ABCC4: variants seen among roughly 807,000 people sequenced by gnomAD.
ABCC4 encodes the protein ATP-binding cassette sub-family C member 4.
ABCC4 carries 102 observed loss-of-function variants against 168.5 expected under a neutral mutation model. The ratio of observed to expected loss-of-function variants is 0.61; its 90% CI spans 0.52 to 0.71. The LOEUF (loss-of-function observed/expected upper bound fraction) is 0.71, where lower values mean the gene tolerates loss of function less well. ABCC4 is among the 30% of genes least tolerant of loss of function. The pLI, the probability that ABCC4 is intolerant of heterozygous loss-of-function variation, is 0.00. For missense variants in ABCC4, 1,402 were observed against 1,605.8 expected, an observed-to-expected ratio of 0.87 and a Z score of 2.17; for synonymous variants, 617 against 590.7, an observed-to-expected ratio of 1.04 and a Z score of -0.65.
intron 25 of ABCC4, among the ~76,000 whole-genome samples, chr13:95,065,072 C>T (rs1051990097): frequency 6.6e-6 from 1 of 152,100 alleles, no homozygotes; most frequent in African/African-American, 2.4e-5. Flanking sequence ...ATGATTAATA[C>T]CCAACAGCCC....
chr13:95,223,920 A>T (rs2138721849), intron 4 of ABCC4, among the ~76,000 whole-genome samples: 1 of 152,346 alleles, frequency 6.6e-6, no homozygotes, highest in South Asian at 2.1e-4. Flanking sequence ...AACAGAGAAG[A>T]TTGAATAAAA....
At chr13:95,121,214 C>CTA (rs2035559922) in intron 19 of ABCC4, among the ~76,000 whole-genome samples, 1 of 152,018 alleles carries the variant, frequency 6.6e-6, no homozygotes. Context: ...AATTCCTGAC[C>CTA]TATAAAATGG....
At chr13:95,155,244 A>T (rs1409177305) in intron 19 of ABCC4, among the ~76,000 whole-genome samples, 1 of 151,516 alleles carries the variant, frequency 6.6e-6, no homozygotes, top group East Asian at 1.9e-4. Flanking sequence ...GTTGGAGTGC[A>T]GTGATGCAAT....
At position 95,073,290 on chromosome 13, in the gene ABCC4, G is replaced by C; in HGVS notation, c.2932C>G (p.Gln978Glu). The change falls in exon 24 of 31, where the codon CAG becomes GAG. Residue 978 changes from glutamine to glutamate, a missense_variant. By Grantham distance (29) the Gln-to-Glu change is conservative. Transcript: ENST00000645237. ...LILAKTLDAG[Q>E]VGLALSYALT... ...GCATAGGACAGTGCCAAACCAACCT[G>C]CCCGGCATCCAGAGCTACGTAAGGA... The C allele has an allele frequency of 6.2e-7, 1 of 1,613,212 alleles. No homozygotes were observed. Among genetic ancestry groups the C allele is most frequent in the Non-Finnish European group, 8.5e-7 (1 of 1,179,510 alleles).
intron 1 of ABCC4, among the ~76,000 whole-genome samples, chr13:95,275,735 G>A (rs9590231): frequency 0.052 from 5,995 of 116,186 alleles, 398 homozygotes; most frequent in African/African-American, 0.17. Flanking sequence ...GGGTGACAGA[G>A]TAAGTTTCTG....
rs1257915316 is a variant in ABCC4 at position 95,210,675 on chromosome 13, C to G, written c.621+17G>C. The G allele has an allele frequency of 1.2e-6, 2 of 1,608,166 alleles. No homozygotes were observed. Among genetic ancestry groups the G allele is most frequent in the African/African-American group, 1.3e-5 (1 of 74,906 alleles). On this transcript the variant is annotated intron_variant, in intron 5 of 30. Transcript: ENST00000645237. ...GTGTTTAATGCAATGAAAAAGGATC[C>G]CTGAGCTGCAGCTTACCTGATCAAA...
At chr13:95,051,649 C>CT (rs1007524054) in intron 27 of ABCC4, among the ~76,000 whole-genome samples, 1 of 151,720 alleles carries the variant, frequency 6.6e-6, no homozygotes, top group Non-Finnish European at 1.5e-5. Flanking sequence ...TAAATGCTTA[C>CT]TTTTTTTTAA....
intron 8 of ABCC4, among the ~76,000 whole-genome samples, chr13:95,195,327 A>G (rs1448624414): frequency 6.6e-6 from 1 of 152,166 alleles, no homozygotes; most frequent in Admixed American, 6.5e-5. Flanking sequence ...TATTTCATGA[A>G]TCCTCATCAT....
chr13:95,219,961 T>G (rs752758845), intron 4 of ABCC4, among the ~76,000 whole-genome samples: 1 of 151,338 alleles, frequency 6.6e-6, no homozygotes, highest in Non-Finnish European at 1.5e-5. Context: ...ATTCAAGAGA[T>G]TCACCTACCT....
chr13:95,288,554 C>A (rs1470587153), intron 1 of ABCC4, among the ~76,000 whole-genome samples: 2 of 152,008 alleles, frequency 1.3e-5, no homozygotes, highest in Non-Finnish European at 1.5e-5. Flanking sequence ...GCCTGTAATC[C>A]CAGCACTTTG....
rs138632403 is a variant in ABCC4, at chr13:95,283,746, C to T, written c.74+17495G>A. On this transcript the variant is annotated intron_variant, in intron 1 of 30. Coordinates refer to ENST00000645237, the MANE Select transcript of ABCC4 (RefSeq NM_005845.5). ...CAGCCTAGCCAACATGGAGAAACCC[C>T]GTCTCTATGGGCGTGGTGGTGCATA... Among the ~76,000 whole-genome samples the T allele has an allele frequency of 8.9e-3, 1,357 of 151,724 alleles. 18 individuals are homozygous for T. Among genetic ancestry groups the T allele is most frequent in the African/African-American group, 0.031 (1,274 of 41,392 alleles).
chr13:95,076,259 A>G, intron 21 of ABCC4, among the ~76,000 whole-genome samples: 1 of 152,152 alleles, frequency 6.6e-6, no homozygotes, highest in South Asian at 2.1e-4. Context: ...GGCTCCAGGA[A>G]CCGGACAGAT....
chr13:95,287,177 A>T (rs1487369938), intron 1 of ABCC4, among the ~76,000 whole-genome samples: 1 of 151,978 alleles, frequency 6.6e-6, no homozygotes, highest in Non-Finnish European at 1.5e-5. Context: ...ACATGCCTAT[A>T]GTTTCAGCTA....
At chr13:95,221,163 T>G (rs1035317822) in intron 4 of ABCC4, among the ~76,000 whole-genome samples, 3 of 152,166 alleles carry the variant, frequency 2.0e-5, no homozygotes, top group Admixed American at 6.5e-5. Flanking sequence ...AGACAGAAAG[T>G]AAAATGGAGG....
rs769863573 is a variant in ABCC4, at chr13:95,194,882, C to T, written c.1217G>A (p.Gly406Asp). The T allele has an allele frequency of 1.1e-5, 18 of 1,613,988 alleles. No homozygotes were observed. In the South Asian group the frequency reaches 1.3e-4, roughly 12 times the overall value. The stretch of plus-strand genomic sequence containing the variant: ...ATCCTGCACATGCACCATCTTTTTA[C>T]CATCTGACGGCAGCTGACGGTTGCG... ...SQRNRQLPSD[G>D]KKMVHVQDFT... is the part of the protein sequence containing the mutation. Residue 406 changes from glycine (G) to aspartate (D), a missense_variant, in exon 9 of 31, where the codon GGT (glycine) becomes GAT (aspartate). Physicochemically the swap from Gly to Asp is moderately conservative, Grantham distance 94. This residue lies in a region of ABCC4 where 1,007 missense variants were observed against 1,127.3 expected (regional missense o/e 0.89). Transcript: ENST00000645237.
intron 29 of ABCC4, among the ~76,000 whole-genome samples, chr13:95,039,035 A>G (rs1388689184): frequency 6.6e-6 from 1 of 152,168 alleles, no homozygotes; most frequent in Non-Finnish European, 1.5e-5. Flanking sequence ...ATAAGGAACA[A>G]TCTGATGCTA....
chr13:95,070,188 G>T (rs1373315290), intron 25 of ABCC4, among the ~76,000 whole-genome samples: 2 of 152,196 alleles, frequency 1.3e-5, no homozygotes, highest in African/African-American at 2.4e-5. Context: ...AGGTTGCAGT[G>T]TGCCGGGAAT....
intron 8 of ABCC4, among the ~76,000 whole-genome samples, chr13:95,201,897 C>T (rs1319821997): frequency 6.6e-6 from 1 of 152,086 alleles, no homozygotes; most frequent in Non-Finnish European, 1.5e-5. Context: ...TGCTTGAACC[C>T]GGGAAGTAGA....
chr13:95,211,432 C>A (rs867029502), intron 4 of ABCC4, among the ~76,000 whole-genome samples: 2 of 151,974 alleles, frequency 1.3e-5, no homozygotes, highest in African/African-American at 4.8e-5. Flanking sequence ...GTGGGAGAGA[C>A]CCTGGACGAT....
Sources: gnomAD v4.1 joint callset for allele counts (sites outside exome capture counted in the v4.1 genomes callset) on GRCh38, gnomAD v4.1.1 for gene constraint, gnomAD v4.1.1 regional missense constraint, MANE v1.5 for transcripts, NCBI Gene and HGNC (gene_info 2026-07-23, HGNC 2026-07-21) for gene names.